The following ILRUN variants were observed in gnomAD, a reference collection of about 807,000 sequenced individuals.
ILRUN encodes protein ILRUN.
Under a neutral mutation model 33.8 loss-of-function variants are expected in ILRUN, and 3 were observed. The ratio of observed to expected loss-of-function variants is 0.09; its 90% confidence interval spans 0.04 to 0.23. The LOEUF is 0.23. Among genes scored for constraint, ILRUN ranks in the 10% least tolerant of loss-of-function variants. ILRUN has a pLI of 1.00. For synonymous variants in ILRUN, 124 were observed against 138.9 expected (o/e 0.89, Z 0.75); for missense variants, 210 against 375.1 (o/e 0.56, Z 3.64).
intron 1 of ILRUN, among the ~76,000 whole-genome samples, chr6:34,682,251 G>GAT (rs1763377822): frequency 2.0e-5 from 1 of 51,072 alleles, no homozygotes; most frequent in Non-Finnish European, 3.6e-5. Flanking sequence ...TGCAACCTCT[G>GAT]TTTTTTTTTT....
At chr6:34,641,469 T>C (rs759511110) in intron 3 of ILRUN, among the ~76,000 whole-genome samples, 11 of 152,192 alleles carry the variant, frequency 7.2e-5, no homozygotes, top group Non-Finnish European at 1.6e-4. Flanking sequence ...CAGATAAAGG[T>C]TGGCAAACTA....
chr6:34,669,822 GAAC>G (rs1200128362), intron 1 of ILRUN, among the ~76,000 whole-genome samples: 1 of 151,736 alleles, frequency 6.6e-6, no homozygotes, highest in African/African-American at 2.4e-5. Context: ...AAGCACAAAT[GAAC>G]ATCATAAACA....
chr6:34,640,814 C>A (rs1051384712), intron 3 of ILRUN, among the ~76,000 whole-genome samples: 7 of 152,092 alleles, frequency 4.6e-5, no homozygotes, highest in Admixed American at 1.3e-4. Context: ...GGCACGGTAG[C>A]TCATGCCTGT....
At chr6:34,673,653 G>A (rs1228712031) in intron 1 of ILRUN, among the ~76,000 whole-genome samples, 1 of 152,142 alleles carries the variant, frequency 6.6e-6, no homozygotes, top group African/African-American at 2.4e-5. Context: ...GAGCTCAGGA[G>A]TTCAAAACTA....
In ILRUN at chr6:34,683,419, C is replaced by CAT. The variant is rs1160051318; in HGVS notation, c.158+13025_158+13026dup. Among the ~76,000 whole-genome samples, 10 of 78,566 alleles carry CAT rather than the reference C, an allele frequency of 1.3e-4. No homozygotes were observed. The South Asian group carries it at 1.5e-3, about 12-fold the overall frequency. 51.5% of individuals were successfully genotyped at this position (78,566 alleles called of 152,430 possible). ...ATGCACATATATACATATATATATA[C>CAT]ATATATATACATATATATATACATA... On this transcript the variant is annotated intron_variant, in intron 1 of 4. Coordinates refer to ENST00000374023, the MANE Select transcript of ILRUN (RefSeq NM_024294.4).
intron 3 of ILRUN, among the ~76,000 whole-genome samples, chr6:34,635,396 C>T (rs1762339152): frequency 6.6e-6 from 1 of 151,934 alleles, no homozygotes; most frequent in Non-Finnish European, 1.5e-5. Context: ...GGTGTAATGA[C>T]GCGTGCCTGT....
intron 1 of ILRUN, among the ~76,000 whole-genome samples, chr6:34,657,640 C>T (rs1034727858): frequency 6.6e-6 from 1 of 152,164 alleles, no homozygotes; most frequent in African/African-American, 2.4e-5. Context: ...AGAAAGTGGA[C>T]TTTAGCCCGA....
intron 2 of ILRUN, among the ~76,000 whole-genome samples, chr6:34,647,843 G>C (rs1762589367): frequency 6.6e-6 from 1 of 152,150 alleles, no homozygotes; most frequent in East Asian, 1.9e-4. Flanking sequence ...GATTACAGGT[G>C]TGAGCCACAG....
In ILRUN at chr6:34,651,335, A is replaced by G. The variant is rs116782597; in HGVS notation, c.313+3290T>C. ...GAGATTCAGAAGCTGTTTTAAACTG[A>G]GGTTACAAAGCAAATGCAGAGGGGA... On this transcript the variant is annotated intron_variant, in intron 2 of 4. Coordinates refer to ENST00000374023, the MANE Select transcript of ILRUN (RefSeq NM_024294.4). 1.8e-3 allele frequency among the ~76,000 whole-genome samples: 279 copies of G among 152,286 alleles called. 2 individuals are homozygous for G. Among genetic ancestry groups the G allele is most frequent in the African/African-American group, 6.5e-3 (272 of 41,570 alleles).
At chr6:34,627,682 A>G (rs1441017982) in intron 3 of ILRUN, among the ~76,000 whole-genome samples, 6 of 148,502 alleles carry the variant, frequency 4.0e-5, no homozygotes, top group Non-Finnish European at 5.9e-5. Context: ...CTTTGGTGAG[A>G]TATCTGTTCA....
intron 1 of ILRUN, among the ~76,000 whole-genome samples, chr6:34,666,523 T>G (rs1298826025): frequency 6.6e-6 from 1 of 152,012 alleles, no homozygotes; most frequent in Non-Finnish European, 1.5e-5. Flanking sequence ...ATTGCGCCAT[T>G]GCACTCCTCC....
chr6:34,673,703 T>G (rs918916696), intron 1 of ILRUN, among the ~76,000 whole-genome samples: 3 of 152,122 alleles, frequency 2.0e-5, no homozygotes, highest in Non-Finnish European at 1.5e-5. Flanking sequence ...TGGTGGCACA[T>G]GCCTGTAGTT....
chr6:34,672,314 C>T (rs1763135211), intron 1 of ILRUN, among the ~76,000 whole-genome samples: 1 of 152,070 alleles, frequency 6.6e-6, no homozygotes, highest in Non-Finnish European at 1.5e-5. Context: ...AGGCTGGTCT[C>T]GAATTCCTGA....
intron 1 of ILRUN, among the ~76,000 whole-genome samples, chr6:34,695,555 G>A (rs1261326519): frequency 6.6e-6 from 1 of 152,108 alleles, no homozygotes; most frequent in Non-Finnish European, 1.5e-5. Context: ...AAAATACTTG[G>A]CTCCCAGCCT....
At chr6:34,635,544 A>AAGGAAGG in intron 3 of ILRUN, among the ~76,000 whole-genome samples, 1 of 120,160 alleles carries the variant, frequency 8.3e-6, no homozygotes, top group East Asian at 3.0e-4. Flanking sequence ...AAAAAGAAAG[A>AAGGAAGG]AAGGAAGGAA....
intron 2 of ILRUN, among the ~76,000 whole-genome samples, chr6:34,654,365 C>T (rs897086492): frequency 1.3e-5 from 2 of 152,148 alleles, no homozygotes; most frequent in Non-Finnish European, 2.9e-5. Flanking sequence ...AGTAACAAAA[C>T]CAATATTGGA....
At chr6:34,630,180 G>C (rs1762215249) in intron 3 of ILRUN, among the ~76,000 whole-genome samples, 1 of 152,178 alleles carries the variant, frequency 6.6e-6, no homozygotes, top group Non-Finnish European at 1.5e-5. Context: ...ACGTGGATAT[G>C]CTAGACAAAG....
At chr6:34,666,552 G>GA (rs968635552) in intron 1 of ILRUN, among the ~76,000 whole-genome samples, 1 of 151,936 alleles carries the variant, frequency 6.6e-6, no homozygotes, top group Non-Finnish European at 1.5e-5. Context: ...CAACAAGAGC[G>GA]AAACTCCATC....
intron 4 of ILRUN, among the ~76,000 whole-genome samples, chr6:34,603,379 A>G (rs546120559): frequency 9.4e-4 from 143 of 152,306 alleles, no homozygotes; most frequent in African/African-American, 3.3e-3. Context: ...TCACGCCTGT[A>G]ATCCCAGCAC....
Sources: allele counts gnomAD v4.1 joint callset (sites outside exome capture counted in the v4.1 genomes callset), GRCh38; gene constraint gnomAD v4.1.1; transcripts MANE v1.5; gene names NCBI Gene and HGNC (gene_info 2026-07-23, HGNC 2026-07-21).